The following CARMIL1 variants were observed in gnomAD, a reference collection of about 807,000 sequenced individuals.
CARMIL1 encodes capping protein regulator and myosin 1 linker 1.
In CARMIL1, 90 loss-of-function variants were observed where a neutral mutation model predicts 177.1. That is an observed-to-expected ratio of 0.51 (90% CI 0.43 to 0.61). The LOEUF (loss-of-function observed/expected upper bound fraction) is 0.61, where lower values mean the gene tolerates loss of function less well. Ranked by LOEUF, CARMIL1 falls within the 20% of genes least tolerant of loss-of-function variation. The pLI, the probability that CARMIL1 is intolerant of heterozygous loss-of-function variation, is 0.00. For synonymous variants in CARMIL1, 577 were observed against 606.2 expected (o/e 0.95, Z 0.71); for missense variants, 1,380 against 1,667.0 (o/e 0.83, Z 3.00).
chr6:25,500,763 A>T (rs950675894), intron 17 of CARMIL1, among the ~76,000 whole-genome samples: 1 of 151,704 alleles, frequency 6.6e-6, no homozygotes, highest in Non-Finnish European at 1.5e-5. Context: ...ATATATTTAT[A>T]TATTTTTTTT....
At chr6:25,615,904 T>C (rs1816850274) in intron 36 of CARMIL1, among the ~76,000 whole-genome samples, 1 of 152,256 alleles carries the variant, frequency 6.6e-6, no homozygotes, top group Non-Finnish European at 1.5e-5. Context: ...TTTCAGAAGC[T>C]TTAAAATTAT....
At chr6:25,510,991 A>G (rs1582196804) in intron 20 of CARMIL1, among the ~76,000 whole-genome samples, 1 of 152,200 alleles carries the variant, frequency 6.6e-6, no homozygotes, top group Non-Finnish European at 1.5e-5. Context: ...ATTGTCACTA[A>G]TAGATAAAAA....
At chr6:25,418,256 A>G (rs1290934702) in intron 2 of CARMIL1, among the ~76,000 whole-genome samples, 1 of 152,190 alleles carries the variant, frequency 6.6e-6, no homozygotes, top group Non-Finnish European at 1.5e-5. Flanking sequence ...TGGACACCCT[A>G]CAAGCAGGAT....
At chr6:25,412,582 AG>A (rs1795005098) in intron 2 of CARMIL1, among the ~76,000 whole-genome samples, 1 of 152,160 alleles carries the variant, frequency 6.6e-6, no homozygotes, top group Non-Finnish European at 1.5e-5. Flanking sequence ...TATCTTAAAG[AG>A]AAAAGGAGGA....
At chr6:25,517,188 C>T (rs746084475) in intron 21 of CARMIL1, among the ~76,000 whole-genome samples, 159 bp from the exon 22 acceptor site, 1 of 152,148 alleles carries the variant, frequency 6.6e-6, no homozygotes, top group African/African-American at 2.4e-5. Flanking sequence ...AAATGCTTAT[C>T]CTTGTTTTGT....
Position 25,478,164 on chromosome 6 carries a change from C to T in CARMIL1, c.875-4093C>T, listed in dbSNP as rs370428137. On this transcript the variant is annotated intron_variant, in intron 11 of 36. Transcript: ENST00000329474. ...GTTTTTTGTTGACCTGAAGTACGCT[C>T]ATATTTTTTCCCAGCTATTTGGTGG... Among the ~76,000 whole-genome samples the T allele has an allele frequency of 9.2e-5, 14 of 152,272 alleles. No individual in the cohort carries two copies. The East Asian group carries it at 2.7e-3, about 29-fold the overall frequency.
At chr6:25,495,533 T>G (rs1470809384) in intron 16 of CARMIL1, among the ~76,000 whole-genome samples, 1 of 120,094 alleles carries the variant, frequency 8.3e-6, no homozygotes, top group Non-Finnish European at 1.8e-5. Context: ...GCATATTCGT[T>G]TGTTCGTGTG....
chr6:25,454,421 C>T (rs373499826), intron 8 of CARMIL1, among the ~76,000 whole-genome samples: 6 of 152,178 alleles, frequency 3.9e-5, no homozygotes, highest in East Asian at 1.9e-4. Flanking sequence ...ATAGGTGTCA[C>T]GGGCTGTAGT....
At chr6:25,430,843 A>T (rs183500212) in intron 4 of CARMIL1, among the ~76,000 whole-genome samples, 1,633 of 152,150 alleles carry the variant, frequency 0.011, 19 homozygotes, top group Middle Eastern at 0.017. Context: ...AAATTTGTTT[A>T]TTTTATGTAA....
chr6:25,420,830 A>T (rs1292988761), intron 3 of CARMIL1, among the ~76,000 whole-genome samples: 1 of 152,232 alleles, frequency 6.6e-6, no homozygotes, highest in African/African-American at 2.4e-5. Context: ...GTTTATGTTA[A>T]CTAAAAGGAG....
intron 2 of CARMIL1, among the ~76,000 whole-genome samples, chr6:25,399,996 T>A (rs1793752281): frequency 6.6e-6 from 1 of 152,226 alleles, no homozygotes; most frequent in Non-Finnish European, 1.5e-5. Context: ...GTAGGGGATC[T>A]GATAATTCGC....
chr6:25,574,832 T>C (rs1812437980), intron 29 of CARMIL1, among the ~76,000 whole-genome samples: 2 of 152,180 alleles, frequency 1.3e-5, no homozygotes, highest in African/African-American at 4.8e-5. Context: ...CTGATTGGCT[T>C]TTTGATTGTT....
intron 36 of CARMIL1, among the ~76,000 whole-genome samples, chr6:25,615,075 G>T (rs1403379904): frequency 1.3e-5 from 2 of 152,178 alleles, no homozygotes; most frequent in Non-Finnish European, 2.9e-5. Context: ...TGTTTTGTTA[G>T]TGCCGATTCC....
At position 25,606,203 on chromosome 6, in the gene CARMIL1, G is replaced by A; in HGVS notation, c.3777G>A (p.Leu1259=). The A allele has an allele frequency of 6.2e-7, 1 of 1,613,932 alleles. No homozygotes were observed. The part of the protein sequence containing the change: ...SSTPTSPKPL[L]QSPKPSLAAR... ...CACCTACGAGCCCGAAGCCCCTCCT[G>A]CAGTCCCCCAAACCCAGTCTGGCAG... is the stretch of plus-strand genomic sequence containing the variant. Residue 1259 remains leucine, a synonymous_variant, in exon 35 of 37, where the codon CTG becomes CTA. Transcript: ENST00000329474.
At chr6:25,290,369 CT>C (rs910242856) in intron 2 of CARMIL1, among the ~76,000 whole-genome samples, 7,191 of 95,424 alleles carry the variant, frequency 0.075, 288 homozygotes, top group African/African-American at 0.23. Flanking sequence ...TGCTGGGATT[CT>C]TTTTTTTTTT....
rs1220940340 is a variant in CARMIL1 at position 25,577,328 on chromosome 6, A to AT, written c.2743-3589dup. ...TAATAAAGACATGATTACTTTTAAGATTTTTTTCCTGATTCTTGTCATATT... is the reference window on the plus strand; with the variant it reads ...TAATAAAGACATGATTACTTTTAAGATTTTTTTTCCTGATTCTTGTCATATT... On this transcript the variant is annotated intron_variant, in intron 29 of 36. Transcript: ENST00000329474. The surrounding 1 kb of genome is among the most constrained non-coding windows in gnomAD (Gnocchi z 4.5). Among the ~76,000 whole-genome samples the AT allele has an allele frequency of 1.3e-5, 2 of 151,998 alleles. No individual in the cohort carries two copies. Among genetic ancestry groups the AT allele is most frequent in the South Asian group, 2.1e-4 (1 of 4,820 alleles).
chr6:25,557,509 A>G (rs1810731000), intron 29 of CARMIL1, among the ~76,000 whole-genome samples: 2 of 152,210 alleles, frequency 1.3e-5, no homozygotes, highest in East Asian at 1.9e-4. Context: ...TAATCAGCAT[A>G]GCTACTTCTC....
chr6:25,550,649 C>CGCCATAACACTTCAGAT (rs1472042768), intron 26 of CARMIL1, among the ~76,000 whole-genome samples: 1 of 152,132 alleles, frequency 6.6e-6, no homozygotes, highest in Non-Finnish European at 1.5e-5. Context: ...ACAGCTGACA[C>CGCCATAACACTTCAGAT]GCCATAACAC....
chr6:25,607,509 G>T (rs1816092697), intron 35 of CARMIL1, among the ~76,000 whole-genome samples: 1 of 152,130 alleles, frequency 6.6e-6, no homozygotes, highest in Admixed American at 6.5e-5. Context: ...AGTTTGCCAA[G>T]TCACGCAGCT....
Sources: allele counts gnomAD v4.1 joint callset (sites outside exome capture counted in the v4.1 genomes callset), GRCh38; gene constraint gnomAD v4.1.1; non-coding constraint Gnocchi (gnomAD v3.1); transcripts MANE v1.5; gene names NCBI Gene and HGNC (gene_info 2026-07-23, HGNC 2026-07-21).